Variants in MAP2K4 observed in about 807,000 individuals in gnomAD.
MAP2K4 encodes the protein dual specificity mitogen-activated protein kinase kinase 4.
Under a neutral mutation model 48.5 loss-of-function variants are expected in MAP2K4, and 4 were observed. That is an observed-to-expected ratio of 0.08 (90% CI 0.04 to 0.19). The LOEUF (loss-of-function observed/expected upper bound fraction) is 0.19. MAP2K4 is among the 10% of genes least tolerant of loss of function. The pLI, the probability that MAP2K4 is intolerant of heterozygous loss-of-function variation, is 1.00. For missense variants in MAP2K4, 258 were observed against 493.3 expected (o/e 0.52, Z 4.52); for synonymous variants, 166 against 173.1 (o/e 0.96, Z 0.32).
intron 9 of MAP2K4, among the ~76,000 whole-genome samples, chr17:12,135,986 A>G (rs930499455): frequency 6.6e-5 from 10 of 152,210 alleles, no homozygotes; most frequent in Non-Finnish European, 1.3e-4. Flanking sequence ...AACCCAAGCA[A>G]ATGTAGATTT....
chr17:12,094,836 G>A (rs1002380928), intron 3 of MAP2K4, among the ~76,000 whole-genome samples: 30 of 152,186 alleles, frequency 2.0e-4, no homozygotes, highest in African/African-American at 5.8e-4. Flanking sequence ...ATGGAGGAGC[G>A]CTTTAGCACC....
At chr17:12,107,133 G>GT (rs1972139928) in intron 4 of MAP2K4, among the ~76,000 whole-genome samples, 1 of 152,126 alleles carries the variant, frequency 6.6e-6, no homozygotes, top group East Asian at 1.9e-4. Context: ...CATTTAACAA[G>GT]TATTTATTGA....
chr17:12,069,890 C>CTCATAT (rs1970731852), intron 2 of MAP2K4: 1 of 182,202 alleles, frequency 5.5e-6, no homozygotes, highest in Non-Finnish European at 9.5e-6. Context: ...GAAGATTAGT[C>CTCATAT]ATATATATAT....
At chr17:12,090,715 A>G (rs1389584700) in intron 3 of MAP2K4, among the ~76,000 whole-genome samples, 2 of 152,158 alleles carry the variant, frequency 1.3e-5, no homozygotes, top group African/African-American at 2.4e-5. Context: ...CAAACAAACA[A>G]AAAGTCACCA....
In MAP2K4 at chr17:12,020,914, G is replaced by A. The variant is rs1969007546; in HGVS notation, c.28G>A (p.Gly10Ser). MAAPSPSGG[G>S]GSGGGSGSGT... is the part of the protein sequence containing the mutation. ...GGCGGCTCCGAGCCCGAGCGGCGGC[G>A]GCGGCTCCGGGGGCGGCAGCGGCAG... The change falls in exon 1 of 11, where the codon GGC becomes AGC. Residue 10 changes from glycine to serine, a missense_variant. By Grantham distance (56) the Gly-to-Ser change is moderately conservative. This residue lies in a region of MAP2K4 where 69 missense variants were observed against 56.2 expected (regional missense o/e 1.23). Transcript: ENST00000353533. 1 of 1,216,552 alleles carries A rather than the reference G, an allele frequency of 8.2e-7. No homozygotes were observed. The highest frequency in any genetic ancestry group is 1.0e-6 in the Non-Finnish European group (1 of 978,164). 75.4% of individuals were successfully genotyped at this position (1,216,552 alleles called of 1,614,324 possible).
At chr17:12,031,844 T>A (rs565124295) in intron 1 of MAP2K4, among the ~76,000 whole-genome samples, 1 of 152,322 alleles carries the variant, frequency 6.6e-6, no homozygotes, top group East Asian at 1.9e-4. Context: ...CTAAAACTTT[T>A]GCATCATAGA....
intron 1 of MAP2K4, among the ~76,000 whole-genome samples, chr17:12,024,252 A>T (rs1233415703): frequency 6.6e-6 from 1 of 152,108 alleles, no homozygotes; most frequent in Non-Finnish European, 1.5e-5. Context: ...CATTTTTTTC[A>T]TAGGGGATGG....
chr17:12,066,059 C>G (rs754631632), intron 2 of MAP2K4, among the ~76,000 whole-genome samples: 5 of 151,790 alleles, frequency 3.3e-5, no homozygotes, highest in Non-Finnish European at 7.4e-5. Context: ...CCCTAAGTAG[C>G]TAGAGTCCCC....
intron 2 of MAP2K4, among the ~76,000 whole-genome samples, chr17:12,057,464 G>A (rs1970316596): frequency 6.6e-6 from 1 of 152,042 alleles, no homozygotes; most frequent in Non-Finnish European, 1.5e-5. Context: ...GAATCTTTTA[G>A]CCTGTTTTCT....
At chr17:12,125,048 C>G (rs183420631) in intron 7 of MAP2K4, 98 of 444,222 alleles carry the variant, frequency 2.2e-4, no homozygotes, top group African/African-American at 1.8e-3. Flanking sequence ...TTTGTAAATG[C>G]TTTTGAGTCT....
chr17:12,065,258 ATAT>A (rs147921985), intron 2 of MAP2K4, among the ~76,000 whole-genome samples: 1,931 of 136,194 alleles, frequency 0.014, 17 homozygotes, highest in African/African-American at 0.021. Flanking sequence ...ATATATACAT[ATAT>A]TATTATTATT....
At chr17:12,045,576 A>T (rs546940790) in intron 1 of MAP2K4, among the ~76,000 whole-genome samples, 15 of 152,180 alleles carry the variant, frequency 9.9e-5, no homozygotes, top group Non-Finnish European at 1.8e-4. Flanking sequence ...CATTAGTAAG[A>T]TTGCTACTAA....
In MAP2K4 at chr17:12,121,328, C is replaced by CA. The variant is rs1485330336; in HGVS notation, c.814-3965dup. ...TGAAAAAATCCAAAATCGAAACACT[C>CA]AGGTTCCAAGCTTTTTGGATGAGGA... On this transcript the variant is annotated intron_variant, in intron 7 of 10. Coordinates refer to ENST00000353533, the MANE Select transcript of MAP2K4 (RefSeq NM_003010.4). 3.9e-5 allele frequency among the ~76,000 whole-genome samples: 6 copies of CA among 152,240 alleles called. No homozygotes were observed. The East Asian group carries it at 1.2e-3, about 29-fold the overall frequency.
chr17:12,135,214 G>T (rs1471533019), intron 9 of MAP2K4, among the ~76,000 whole-genome samples: 1 of 152,068 alleles, frequency 6.6e-6, no homozygotes, highest in Non-Finnish European at 1.5e-5. Flanking sequence ...TCAGCCTCCA[G>T]AGTAGCTGGA....
rs1328794977 is a variant in MAP2K4 at position 12,081,963 on chromosome 17, A to G, written c.393+433A>G. 7.5e-6 allele frequency: 4 copies of G among 533,178 alleles called. No homozygotes were observed. Among genetic ancestry groups the G allele is most frequent in the Admixed American group, 1.9e-5 (1 of 51,342 alleles). 33.0% of individuals were successfully genotyped at this position (533,178 alleles called of 1,614,324 possible). ...TGAAGGTTTCCTGGAAACCACGCAC[A>G]TGCTGTTGCCACTAACCTCAACCTT... On this transcript the variant is annotated intron_variant, in intron 3 of 10. Coordinates refer to ENST00000353533, the MANE Select transcript of MAP2K4 (RefSeq NM_003010.4). The surrounding 1 kb of genome is among the most constrained non-coding windows in gnomAD (Gnocchi z 4.2).
chr17:12,068,603 T>C (rs897401194), intron 2 of MAP2K4, among the ~76,000 whole-genome samples: 1 of 152,106 alleles, frequency 6.6e-6, no homozygotes, highest in Non-Finnish European at 1.5e-5. Flanking sequence ...CTTGAATTAA[T>C]GGGTTTAGTT....
chr17:12,045,548 A>G (rs1969934898), intron 1 of MAP2K4, among the ~76,000 whole-genome samples: 2 of 152,222 alleles, frequency 1.3e-5, no homozygotes, highest in Non-Finnish European at 2.9e-5. Flanking sequence ...ATAAGTTTGC[A>G]TATTCTATTC....
At chr17:12,040,770 A>G (rs149232443) in intron 1 of MAP2K4, among the ~76,000 whole-genome samples, 9 of 152,326 alleles carry the variant, frequency 5.9e-5, no homozygotes, top group Non-Finnish European at 1.0e-4. Context: ...AATAATAAAA[A>G]TCTGATGACC....
In MAP2K4 at chr17:12,055,011, A is replaced by G; in HGVS notation, c.218+20A>G. 2 of 1,480,386 alleles carry G rather than the reference A, an allele frequency of 1.4e-6. No individual in the cohort carries two copies. The highest frequency in any genetic ancestry group is 9.4e-7 in the Non-Finnish European group (1 of 1,064,656). 91.7% of individuals were successfully genotyped at this position (1,480,386 alleles called of 1,614,324 possible). The stretch of plus-strand genomic sequence containing the variant: ...ACACATGTGAGTATTCTTGGTAATC[A>G]AAGGCTCAACTCAAGCAAAGATTTT... On this transcript the variant is annotated intron_variant, in intron 2 of 10. Transcript: ENST00000353533.
Sources: gnomAD v4.1 joint callset for allele counts (sites outside exome capture counted in the v4.1 genomes callset) on GRCh38, gnomAD v4.1.1 for gene constraint, gnomAD v4.1.1 regional missense constraint, Gnocchi (gnomAD v3.1) non-coding constraint, MANE v1.5 for transcripts, NCBI Gene and HGNC (gene_info 2026-07-23, HGNC 2026-07-21) for gene names.